ARSD: variants seen among roughly 807,000 people sequenced by gnomAD.
The protein encoded by ARSD is testis tissue sperm-binding protein Li 39a.
In ARSD, 21 loss-of-function variants were observed where a neutral mutation model predicts 32.6. The observed-to-expected ratio is 0.64, with a 90% CI of 0.46 to 0.93. ARSD has a LOEUF of 0.93. Ranked by LOEUF, ARSD falls within the 40% of genes least tolerant of loss-of-function variation. The pLI, the probability that ARSD is intolerant of heterozygous loss-of-function variation, is 0.00. For missense variants in ARSD, 454 were observed against 520.9 expected, an observed-to-expected ratio of 0.87 and a Z score of 1.25; for synonymous variants, 224 against 237.4, an observed-to-expected ratio of 0.94 and a Z score of 0.52.
chrX:2,907,360 T>C lies in ARSD; in HGVS notation c.1693A>G (p.Ser565Gly), dbSNP rs779784680. Residue 565 changes from serine to glycine, a missense_variant, in exon 10 of 10, where the codon AGC (serine) becomes GGC (glycine). Around this residue, in one of 3 missense-constraint regions of ARSD, gnomAD observed 179 missense variants for 198.5 expected, o/e 0.90. Coordinates refer to ENST00000381154, the MANE Select transcript of ARSD (RefSeq NM_001669.4). ...LSPVPQQFSM[S>G]NILWKPWLQP... is the part of the protein sequence containing the mutation. ...AGCCACGGCTTCCACAGGATGTTGC[T>C]CATGGAAAACTGCTGGGGCACAGGA... The C allele has an allele frequency of 1.4e-5, 17 of 1,212,005 alleles. No homozygotes were observed. In the South Asian group the frequency reaches 3.0e-4, roughly 21 times the overall value.
rs778654241 is a variant in ARSD at position 2,905,019 on chromosome X, C to T, written c.*2252G>A. On this transcript the variant is annotated 3_prime_UTR_variant, in exon 10 of 10. Coordinates refer to ENST00000381154, the MANE Select transcript of ARSD (RefSeq NM_001669.4). ...TCTATAAATGTTGCCTCTCTCCACTCATCTTCTCTTTGGCTTCAGGTTGAG... is the reference window on the plus strand; with the variant it reads ...TCTATAAATGTTGCCTCTCTCCACTTATCTTCTCTTTGGCTTCAGGTTGAG... 2.7e-5 allele frequency: 9 copies of T among 338,037 alleles called. No individual in the cohort carries two copies. Among genetic ancestry groups the T allele is most frequent in the Non-Finnish European group, 1.2e-5 (2 of 169,381 alleles). The allele number at this position is 338,037 out of a possible 1,213,427, so 27.9% of individuals were successfully genotyped here.
chrX:2,924,427 G>A (rs1367344582), intron 2 of ARSD, among the ~76,000 whole-genome samples: 1 of 113,714 alleles, frequency 8.8e-6, no homozygotes, highest in Non-Finnish European at 1.9e-5. Context: ...GGCAGCTATT[G>A]AAAAGCAGAT....
chrX:2,911,182 G>A (rs2088897796), intron 6 of ARSD, among the ~76,000 whole-genome samples: 1 of 111,373 alleles, frequency 9.0e-6, no homozygotes, highest in Admixed American at 9.6e-5. Context: ...GACCAGCCTG[G>A]CCATTATGGT....
intron 6 of ARSD, among the ~76,000 whole-genome samples, chrX:2,912,829 C>T (rs2088913793): frequency 8.9e-6 from 1 of 111,834 alleles, no homozygotes; most frequent in African/African-American, 3.3e-5. Flanking sequence ...CAGAGGACGC[C>T]CTGCAAACCA....
chrX:2,928,207 A>C (rs1008781905), intron 1 of ARSD, among the ~76,000 whole-genome samples: 22 of 107,931 alleles, frequency 2.0e-4, no homozygotes, highest in Non-Finnish European at 3.5e-4. Context: ...GGGTGGGGAC[A>C]TGGAGGCGGC....
chrX:2,906,889 G>A lies in ARSD; in HGVS notation c.*382C>T. 7.9e-6 allele frequency: 1 copy of A among 127,247 alleles called. No individual in the cohort carries two copies. Among genetic ancestry groups the A allele is most frequent in the South Asian group, 2.6e-4 (1 of 3,813 alleles). 10.5% of individuals were successfully genotyped at this position (127,247 alleles called of 1,213,427 possible). On this transcript the variant is annotated 3_prime_UTR_variant, in exon 10 of 10. Transcript: ENST00000381154. Reference sequence around the variant, plus strand: ...CTTTGGGAGGCTGAGGCAGGTGGATGACTTGAGGTCAGGAGTGCGAGACCA... The same window carrying A: ...CTTTGGGAGGCTGAGGCAGGTGGATAACTTGAGGTCAGGAGTGCGAGACCA...
At chrX:2,925,271 G>A (rs1448414838) in intron 2 of ARSD, among the ~76,000 whole-genome samples, 32 of 110,814 alleles carry the variant, frequency 2.9e-4, no homozygotes, top group African/African-American at 8.2e-4. Flanking sequence ...GTGGCCACAA[G>A]CTCAGGGACA....
intron 2 of ARSD, chrX:2,923,131 G>C (rs2089048166): frequency 5.2e-6 from 1 of 191,732 alleles, no homozygotes; most frequent in Non-Finnish European, 9.9e-6. Context: ...AGTTGGAGGA[G>C]TGTTAGCTGG....
At chrX:2,927,366 T>C (rs1502873) in intron 1 of ARSD, among the ~76,000 whole-genome samples, 12,479 of 110,443 alleles carry the variant, frequency 0.11, 1,622 homozygotes, top group African/African-American at 0.37. Context: ...TTCAAGCGAT[T>C]CTCCTGTCTC....
Position 2,907,170 on chromosome X carries a change from T to C in ARSD, c.*101A>G. The C allele has an allele frequency of 1.2e-6, 1 of 803,174 alleles. No individual in the cohort carries two copies. Among genetic ancestry groups the C allele is most frequent in the Non-Finnish European group, 1.8e-6 (1 of 553,750 alleles). The allele number at this position is 803,174 out of a possible 1,213,427, so 66.2% of individuals were successfully genotyped here. On this transcript the variant is annotated 3_prime_UTR_variant, in exon 10 of 10. Coordinates refer to ENST00000381154, the MANE Select transcript of ARSD (RefSeq NM_001669.4). ...GGGGACCCACTCTCAGTCCAGGGCA[T>C]GTTCCTTGCAAAAAGGGAAGCTGAA...
At chrX:2,912,898 T>C (rs2088914263) in intron 6 of ARSD, among the ~76,000 whole-genome samples, 1 of 112,482 alleles carries the variant, frequency 8.9e-6, no homozygotes. Flanking sequence ...GTCAAAATGA[T>C]ATAAACCACA....
At chrX:2,914,301 T>G (rs2088930909) in intron 6 of ARSD, 1 of 621,747 alleles carries the variant, frequency 1.6e-6, no homozygotes, top group Non-Finnish European at 1.9e-6. Flanking sequence ...GCAATAATTA[T>G]AGCTCATTGC....
chrX:2,916,152 A>AAAG (rs2088957493), intron 5 of ARSD, among the ~76,000 whole-genome samples: 1 of 101,856 alleles, frequency 9.8e-6, no homozygotes, highest in Non-Finnish European at 2.0e-5. Flanking sequence ...AAAAAAAAAA[A>AAAG]GAATATATTG....
chrX:2,914,420 G>GC (rs2088932646), intron 6 of ARSD: 10 of 175,925 alleles, frequency 5.7e-5, no homozygotes, highest in African/African-American at 1.7e-4. Flanking sequence ...TGTAGAGATG[G>GC]GGGGGGGGGG....
In ARSD at chrX:2,907,760, G is replaced by A. The variant is rs964924703; in HGVS notation, c.1421-128C>T. 4.8e-6 allele frequency: 5 copies of A among 1,047,037 alleles called. No homozygotes were observed. In the African/African-American group the frequency reaches 7.6e-5, roughly 16 times the overall value. 86.3% of individuals were successfully genotyped at this position (1,047,037 alleles called of 1,213,427 possible). The stretch of plus-strand genomic sequence containing the variant: ...CAGTGAAAAGGAGGAGGGACACGAG[G>A]CAGTCCACACAATCACAGCCTTCAG... On this transcript the variant is annotated intron_variant, in intron 9 of 9. Coordinates refer to ENST00000381154, the MANE Select transcript of ARSD (RefSeq NM_001669.4).
intron 2 of ARSD, among the ~76,000 whole-genome samples, chrX:2,923,787 C>T (rs2089054427): frequency 8.9e-6 from 1 of 112,357 alleles, no homozygotes; most frequent in Non-Finnish European, 1.9e-5. Flanking sequence ...GGGGTCAGGA[C>T]TTCGACGTAG....
At chrX:2,916,259 C>T (rs527255637) in intron 5 of ARSD, among the ~76,000 whole-genome samples, 21 of 110,155 alleles carry the variant, frequency 1.9e-4, no homozygotes, top group African/African-American at 5.9e-4. Flanking sequence ...GGAGGCTGAG[C>T]CTGGCAGCTC....
rs771343771 is a variant in ARSD at position 2,905,894 on chromosome X, C to T, written c.*1377G>A. ...ATTGGGTTGGGGCTTCCAGATAATC[C>T]CCCCTCACAGGGACTGCTTCAAGAG... is the stretch of plus-strand genomic sequence containing the variant. On this transcript the variant is annotated 3_prime_UTR_variant, in exon 10 of 10. Coordinates refer to ENST00000381154, the MANE Select transcript of ARSD (RefSeq NM_001669.4). 4.5e-5 allele frequency: 5 copies of T among 112,062 alleles called. No individual in the cohort carries two copies. The highest frequency in any genetic ancestry group is 9.4e-5 in the Non-Finnish European group (5 of 53,176). 9.2% of individuals were successfully genotyped at this position (112,062 alleles called of 1,213,427 possible).
At chrX:2,915,177 C>T (rs1275986247) in intron 6 of ARSD, among the ~76,000 whole-genome samples, 4 of 110,118 alleles carry the variant, frequency 3.6e-5, no homozygotes, top group African/African-American at 9.9e-5. Flanking sequence ...TTTTTTGAGA[C>T]GGAGTCTTGA....
Sources: allele counts gnomAD v4.1 joint callset (sites outside exome capture counted in the v4.1 genomes callset), GRCh38; gene constraint gnomAD v4.1.1; regional missense constraint gnomAD v4.1.1; transcripts MANE v1.5; gene names NCBI Gene and HGNC (gene_info 2026-07-23, HGNC 2026-07-21).